The following STRBP variants were observed in gnomAD, a reference collection of about 807,000 sequenced individuals.
The protein encoded by STRBP is spermatid perinuclear RNA binding protein.
STRBP carries 13 observed loss-of-function variants against 80.1 expected under a neutral mutation model. The ratio of observed to expected loss-of-function variants is 0.16; its 90% confidence interval spans 0.11 to 0.26. The LOEUF (loss-of-function observed/expected upper bound fraction) is 0.26, where lower values mean the gene tolerates loss of function less well. STRBP is among the 10% of genes least tolerant of loss of function. The pLI, the probability that STRBP is intolerant of heterozygous loss-of-function variation, is 1.00. For synonymous variants in STRBP, 284 were observed against 291.2 expected, an observed-to-expected ratio of 0.98 and a Z score of 0.25; for missense variants, 485 against 815.2, an observed-to-expected ratio of 0.59 and a Z score of 4.93.
In STRBP at chr9:123,125,490, AT is replaced by A. The variant is rs1196228194; in HGVS notation, c.*106del. On this transcript the variant is annotated 3_prime_UTR_variant, in exon 19 of 19. Coordinates refer to ENST00000348403, the MANE Select transcript of STRBP (RefSeq NM_018387.5). ...GTAGGAAAGATGTTCTTTACAAATA[AT>A]TTTGATCAAGTATGTGTTCAAAGAA... The A allele has an allele frequency of 2.3e-6, 3 of 1,326,054 alleles. No individual in the cohort carries two copies. The African/African-American group carries it at 4.5e-5, about 20-fold the overall frequency. The allele number at this position is 1,326,054 out of a possible 1,614,324, so 82.1% of individuals were successfully genotyped here. A position where few individuals can be genotyped will look rare whatever the true frequency, so the allele number is the denominator to read the frequency against.
chr9:123,220,925 ATAT>A (rs1490084730), intron 2 of STRBP, among the ~76,000 whole-genome samples: 1 of 152,202 alleles, frequency 6.6e-6, no homozygotes, highest in Non-Finnish European at 1.5e-5. Flanking sequence ...TCCAAAATTT[ATAT>A]TATTTCCATG....
intron 5 of STRBP, among the ~76,000 whole-genome samples, chr9:123,172,885 G>C (rs1478625573): frequency 1.3e-5 from 2 of 152,132 alleles, no homozygotes; most frequent in Non-Finnish European, 2.9e-5. Flanking sequence ...CAATTCACAA[G>C]TTTGGACTTA....
chr9:123,183,818 T>TA (rs1164659715), intron 3 of STRBP, among the ~76,000 whole-genome samples: 3 of 149,348 alleles, frequency 2.0e-5, no homozygotes, highest in Non-Finnish European at 4.5e-5. Flanking sequence ...AAACTGAACT[T>TA]AAAGTTAAAA....
chr9:123,118,706 T>C (rs1281220115), downstream of STRBP, among the ~76,000 whole-genome samples: 1 of 152,234 alleles, frequency 6.6e-6, no homozygotes, highest in Non-Finnish European at 1.5e-5. Flanking sequence ...TTTGCCTCCT[T>C]AAAGGTAACA....
chr9:123,195,762 T>C (rs759396695), intron 2 of STRBP, among the ~76,000 whole-genome samples: 23 of 152,282 alleles, frequency 1.5e-4, no homozygotes, highest in Middle Eastern at 6.8e-3. Flanking sequence ...TGTTAAAATG[T>C]CCATACCATC....
intron 1 of STRBP, among the ~76,000 whole-genome samples, chr9:123,250,793 C>G (rs921541840): frequency 6.6e-6 from 1 of 152,124 alleles, no homozygotes; most frequent in African/African-American, 2.4e-5. Context: ...CATTTCATAA[C>G]GAGTAATCAC....
intron 1 of STRBP, among the ~76,000 whole-genome samples, chr9:123,268,235 C>T (rs896311110): frequency 6.6e-6 from 1 of 151,070 alleles, no homozygotes; most frequent in African/African-American, 2.4e-5. Flanking sequence ...GCGGCGGCGG[C>T]GGCCACAATG....
intron 2 of STRBP, among the ~76,000 whole-genome samples, chr9:123,200,768 A>G (rs1297062956): frequency 1.1e-3 from 3 of 2,676 alleles, no homozygotes; most frequent in Non-Finnish European, 1.9e-3. Flanking sequence ...TTTTTAGTAG[A>G]GACCAGGTTT....
intron 12 of STRBP, among the ~76,000 whole-genome samples, chr9:123,147,428 C>T (rs1269000195): frequency 6.6e-6 from 1 of 152,118 alleles, no homozygotes; most frequent in East Asian, 1.9e-4. Context: ...GTAATCCCAG[C>T]ACTTGGAGAG....
intron 3 of STRBP, 45 bp downstream of exon 3, chr9:123,184,087 G>A: frequency 5.1e-6 from 8 of 1,565,696 alleles, no homozygotes; most frequent in Non-Finnish European, 7.0e-6. Flanking sequence ...TTAAATTACT[G>A]GAGTCTTTTG....
In STRBP at chr9:123,124,764, T is replaced by C; in HGVS notation, c.*833A>G. The C allele has an allele frequency of 1.0e-6, 1 of 985,434 alleles. No individual in the cohort carries two copies. The highest frequency in any genetic ancestry group is 1.7e-5 in the African/African-American group (1 of 57,364). The allele number at this position is 985,434 out of a possible 1,614,324, so 61.0% of individuals were successfully genotyped here. ...AAACTTGGAAATTCATAAACTAGGA[T>C]AATCACATTCTCCTTCCCCATCTCT... On this transcript the variant is annotated 3_prime_UTR_variant, in exon 19 of 19. Coordinates refer to ENST00000348403, the MANE Select transcript of STRBP (RefSeq NM_018387.5).
At chr9:123,181,800 C>CAAAAAAAAAAAAAAAAAAAAAAA in intron 3 of STRBP, among the ~76,000 whole-genome samples, 1 of 25,762 alleles carries the variant, frequency 3.9e-5, no homozygotes, top group Non-Finnish European at 6.2e-5. Flanking sequence ...AACTTCGTCT[C>CAAAAAAAAAAAAAAAAAAAAAAA]AAAAAAAAAA....
intron 11 of STRBP, among the ~76,000 whole-genome samples, chr9:123,153,678 CTTAAGT>C (rs2037157286): frequency 6.6e-6 from 1 of 152,120 alleles, no homozygotes; most frequent in African/African-American, 2.4e-5. Flanking sequence ...TCTTAGACAT[CTTAAGT>C]TTGAGATGTC....
intron 6 of STRBP, among the ~76,000 whole-genome samples, chr9:123,166,732 C>A (rs2037774778): frequency 6.7e-6 from 1 of 150,022 alleles, no homozygotes; most frequent in Non-Finnish European, 1.5e-5. Flanking sequence ...CCAGCCTGGG[C>A]AACAAAGCAA....
chr9:123,204,951 A>G (rs1397946066), intron 2 of STRBP, among the ~76,000 whole-genome samples: 2 of 146,962 alleles, frequency 1.4e-5, no homozygotes, highest in South Asian at 4.3e-4. Flanking sequence ...AGAAAGAAAG[A>G]AAGGAAAAAA....
At chr9:123,229,452 A>G (rs1390418430) in intron 2 of STRBP, among the ~76,000 whole-genome samples, 1 of 152,246 alleles carries the variant, frequency 6.6e-6, no homozygotes, top group Non-Finnish European at 1.5e-5. Flanking sequence ...AAGAAATGAG[A>G]CAGTAGCTGG....
chr9:123,146,819 A>G (rs2036833048), intron 13 of STRBP, 36 bp downstream of exon 13: 1 of 1,533,426 alleles, frequency 6.5e-7, no homozygotes, highest in Non-Finnish European at 8.9e-7. Context: ...GGAACATAAA[A>G]TAAGAAAGCA....
chr9:123,114,438 C>T (rs2035613317), intron 3 of STRBP: 1 of 167,098 alleles, frequency 6.0e-6, no homozygotes, highest in Non-Finnish European at 1.5e-5. Flanking sequence ...AAAATGAACA[C>T]AAATGGATTA....
rs559973844 is a variant in STRBP at position 123,248,570 on chromosome 9, G to A, written c.-301-11604C>T. On this transcript the variant is annotated intron_variant, in intron 1 of 18. Coordinates refer to ENST00000348403, the MANE Select transcript of STRBP (RefSeq NM_018387.5). Reference sequence around the variant, plus strand: ...CAGGCATGAGCCACCGCGCCCAGCCGAATTATTTTTTTAAGGCAAATAAAA... The same window carrying A: ...CAGGCATGAGCCACCGCGCCCAGCCAAATTATTTTTTTAAGGCAAATAAAA... 5.3e-3 allele frequency among the ~76,000 whole-genome samples: 803 copies of A among 151,966 alleles called. 8 individuals are homozygous for A. Among genetic ancestry groups the A allele is most frequent in the Middle Eastern group, 0.01 (3 of 294 alleles).
Sources: gnomAD v4.1 joint callset for allele counts (sites outside exome capture counted in the v4.1 genomes callset) on GRCh38, gnomAD v4.1.1 for gene constraint, MANE v1.5 for transcripts, NCBI Gene and HGNC (gene_info 2026-07-23, HGNC 2026-07-21) for gene names.